The following TRAP1 variants were observed in gnomAD, a reference collection of about 807,000 sequenced individuals.
TRAP1 encodes TNF receptor associated protein 1, also known as heat shock protein 75 kDa, mitochondrial.
Under a neutral mutation model 89.1 loss-of-function variants are expected in TRAP1, and 102 were observed. The ratio of observed to expected loss-of-function variants is 1.15; its 90% CI spans 0.98 to 1.35. TRAP1 has a LOEUF of 1.35. Ranked by LOEUF, TRAP1 falls within the 40% of genes most tolerant of loss-of-function variation. TRAP1 has a pLI of 0.00. For synonymous variants in TRAP1, 508 were observed against 388.0 expected (o/e 1.31, Z -3.64); for missense variants, 1,256 against 945.3 (o/e 1.33, Z -4.31).
intron 2 of TRAP1, among the ~76,000 whole-genome samples, 166 bp from the exon 3 acceptor site, chr16:3,689,303 G>A (rs1456072966): frequency 6.8e-6 from 1 of 147,000 alleles, no homozygotes; most frequent in Admixed American, 6.8e-5. Flanking sequence ...GGAGTACAGT[G>A]GCACGATCTC....
Position 3,664,388 on chromosome 16 carries a change from T to C in TRAP1, c.1455A>G (p.Glu485=), listed in dbSNP as rs1362790980. The C allele has an allele frequency of 6.2e-7, 1 of 1,612,696 alleles. No homozygotes were observed. Among genetic ancestry groups the C allele is most frequent in the South Asian group, 1.1e-5 (1 of 90,852 alleles). The change falls in exon 13 of 18, where the codon GAA becomes GAG. Residue 485 remains glutamate (E), a synonymous_variant. Coordinates refer to ENST00000246957, the MANE Select transcript of TRAP1 (RefSeq NM_016292.3). ...LPSGQLTSLS[E]YASRMRAGTR... Reference sequence around the variant, plus strand: ...TGCCGGCCCGCATGCGGCTGGCGTATTCTGAGAGGCTGGTTAGCTGCCCGG... The same window carrying C: ...TGCCGGCCCGCATGCGGCTGGCGTACTCTGAGAGGCTGGTTAGCTGCCCGG...
At chr16:3,708,951 G>A (rs2060179696) in intron 1 of TRAP1, among the ~76,000 whole-genome samples, 1 of 151,652 alleles carries the variant, frequency 6.6e-6, no homozygotes, top group East Asian at 2.0e-4. Flanking sequence ...AAGTAGCTGG[G>A]ACTACAGGCG....
In TRAP1 at chr16:3,677,487, T is replaced by G; in HGVS notation, c.704+11A>C. On this transcript the variant is annotated intron_variant, in intron 6 of 17. Coordinates refer to ENST00000246957, the MANE Select transcript of TRAP1 (RefSeq NM_016292.3). ...CTTTGAGCTGCCTGTCAGGCGACATTCGTCACTCACCCATCTGAAAGCCAC... is the reference window on the plus strand; with the variant it reads ...CTTTGAGCTGCCTGTCAGGCGACATGCGTCACTCACCCATCTGAAAGCCAC... 11 of 1,614,146 alleles carry G rather than the reference T, an allele frequency of 6.8e-6. No homozygotes were observed. Among genetic ancestry groups the G allele is most frequent in the East Asian group, 2.2e-5 (1 of 44,870 alleles).
intron 1 of TRAP1, among the ~76,000 whole-genome samples, chr16:3,703,104 C>T (rs895497365): frequency 2.7e-5 from 4 of 147,930 alleles, no homozygotes; most frequent in African/African-American, 5.1e-5. Flanking sequence ...AATCAACACC[C>T]GGACGTCCTA....
At chr16:3,713,280 CA>C (rs2051556195) in intron 1 of TRAP1, among the ~76,000 whole-genome samples, 1 of 152,144 alleles carries the variant, frequency 6.6e-6, no homozygotes, top group South Asian at 2.1e-4. Flanking sequence ...AGGGAGGAGG[CA>C]AAACCCGTCA....
intron 11 of TRAP1, 47 bp downstream of exon 11, chr16:3,671,675 G>C (rs779866714): frequency 6.3e-7 from 1 of 1,594,984 alleles, no homozygotes; most frequent in Non-Finnish European, 8.5e-7. Flanking sequence ...GGAGCAGGTA[G>C]GGGCCTTGTC....
chr16:3,672,250 C>T (rs1022880203), intron 10 of TRAP1, among the ~76,000 whole-genome samples: 3 of 152,058 alleles, frequency 2.0e-5, no homozygotes, highest in Non-Finnish European at 4.4e-5. Context: ...GCAGGAGAAT[C>T]ACTTAAGGAG....
chr16:3,705,071 A>ATT (rs906285584), intron 1 of TRAP1, among the ~76,000 whole-genome samples: 1 of 148,086 alleles, frequency 6.8e-6, no homozygotes, highest in Non-Finnish European at 1.5e-5. Flanking sequence ...ACCACAGAAC[A>ATT]TTTTTTTTTT....
At chr16:3,705,027 G>A (rs1196830117) in intron 1 of TRAP1, among the ~76,000 whole-genome samples, 1 of 152,090 alleles carries the variant, frequency 6.6e-6, no homozygotes, top group Non-Finnish European at 1.5e-5. Context: ...AGTGGTTTTA[G>A]TATATTCACA....
At chr16:3,661,930 C>A in intron 16 of TRAP1, 57 bp downstream of exon 16, 1 of 1,526,536 alleles carries the variant, frequency 6.6e-7, no homozygotes. Context: ...AAAAGAACAC[C>A]ACACACAGGA....
intron 7 of TRAP1, 125 bp downstream of exon 7, chr16:3,675,911 G>A (rs71388535): frequency 0.023 from 18,302 of 797,988 alleles, 290 homozygotes; most frequent in Middle Eastern, 0.046. Context: ...GCAGCGGCTC[G>A]GCCCTTCACG....
chr16:3,680,993 A>T (rs2051066810), intron 4 of TRAP1, among the ~76,000 whole-genome samples: 1 of 152,152 alleles, frequency 6.6e-6, no homozygotes, highest in Non-Finnish European at 1.5e-5. Context: ...CCTGAATCAC[A>T]ATACAGACCA....
chr16:3,671,887 T>C, intron 10 of TRAP1, 96 bp from the exon 11 acceptor site: 2 of 1,315,868 alleles, frequency 1.5e-6, no homozygotes, highest in Non-Finnish European at 2.1e-6. Flanking sequence ...GGCCTGGCCT[T>C]CAACCCAGCA....
chr16:3,679,586 T>C (rs2051047136), intron 5 of TRAP1, 133 bp downstream of exon 5: 1 of 872,488 alleles, frequency 1.1e-6, no homozygotes, highest in Non-Finnish European at 1.9e-6. Context: ...TCATGAGGTG[T>C]TCCCACAGTA....
chr16:3,699,070 G>T (rs929492658), intron 1 of TRAP1, among the ~76,000 whole-genome samples: 1 of 152,046 alleles, frequency 6.6e-6, no homozygotes, highest in Non-Finnish European at 1.5e-5. Flanking sequence ...GTGGTTTGGG[G>T]TCGCACAAAA....
chr16:3,682,423 G>A lies in TRAP1; in HGVS notation c.472-2633C>T, dbSNP rs575666111. Among the ~76,000 whole-genome samples the A allele has an allele frequency of 2.7e-5, 4 of 150,076 alleles. No individual in the cohort carries two copies. In the South Asian group the frequency reaches 6.3e-4, roughly 24 times the overall value. On this transcript the variant is annotated intron_variant, in intron 4 of 17. Coordinates refer to ENST00000246957, the MANE Select transcript of TRAP1 (RefSeq NM_016292.3). ...AAAAAAAAATTTCTCGCTCTGTCAC[G>A]CAGGCTAGAGTGCTGGAGTGCAGTG... is the stretch of plus-strand genomic sequence containing the variant.
At chr16:3,696,439 T>TA (rs1420289653) in intron 1 of TRAP1, among the ~76,000 whole-genome samples, 1 of 152,132 alleles carries the variant, frequency 6.6e-6, no homozygotes, top group Non-Finnish European at 1.5e-5. Flanking sequence ...GGTGCACACT[T>TA]AAACAGAGGA....
chr16:3,706,504 G>A (rs1282220637), intron 1 of TRAP1, among the ~76,000 whole-genome samples: 1 of 138,020 alleles, frequency 7.2e-6, no homozygotes. Context: ...TCTTTGACCA[G>A]GCTGAAGTGC....
intron 11 of TRAP1, among the ~76,000 whole-genome samples, chr16:3,669,587 A>C (rs1007951384): frequency 1.3e-5 from 2 of 151,722 alleles, no homozygotes; most frequent in South Asian, 2.1e-4. Flanking sequence ...GTAATCCCAG[A>C]ACTTTGGGAG....
Sources: allele counts gnomAD v4.1 joint callset (sites outside exome capture counted in the v4.1 genomes callset), GRCh38; gene constraint gnomAD v4.1.1; transcripts MANE v1.5; gene names NCBI Gene and HGNC (gene_info 2026-07-23, HGNC 2026-07-21).